The following ZBTB10 variants were observed in gnomAD, a reference collection of about 807,000 sequenced individuals.
The protein encoded by ZBTB10 is zinc finger and BTB domain containing 10.
In ZBTB10, 32 loss-of-function variants were observed where a neutral mutation model predicts 76.4. The ratio of observed to expected loss-of-function variants is 0.42; its 90% CI spans 0.32 to 0.56. ZBTB10 has a LOEUF of 0.56. ZBTB10 is among the 20% of genes least tolerant of loss of function. The probability of loss-of-function intolerance (pLI) is 0.14; values close to 1 mark genes in which losing one functional copy is unlikely to be tolerated. For missense variants in ZBTB10, 1,057 were observed against 1,098.5 expected, an observed-to-expected ratio of 0.96 and a Z score of 0.53; for synonymous variants, 523 against 432.9, an observed-to-expected ratio of 1.21 and a Z score of -2.58.
At chr8:80,514,065 T>G (rs1816266706) in intron 3 of ZBTB10, 57 bp downstream of exon 3, 1 of 1,466,480 alleles carries the variant, frequency 6.8e-7, no homozygotes, top group South Asian at 1.2e-5. Context: ...TGTTACATCT[T>G]ACCTGCAGCC....
At position 80,486,248 on chromosome 8, in the gene ZBTB10, G is replaced by C. The variant is rs1158922616; in HGVS notation, c.-563G>C. On this transcript the variant is annotated 5_prime_UTR_variant, in exon 1 of 6. Transcript: ENST00000455036. ...TTCATTTGCCATTCGACCTCCGCCA[G>C]GGCCTGGTCGGACGGAAACGCTCCG... is the stretch of plus-strand genomic sequence containing the variant. The C allele has an allele frequency of 2.9e-6, 3 of 1,028,096 alleles. No individual in the cohort carries two copies. Among genetic ancestry groups the C allele is most frequent in the East Asian group, 9.8e-5 (1 of 10,196 alleles). 63.7% of individuals were successfully genotyped at this position (1,028,096 alleles called of 1,614,324 possible).
At chr8:80,499,439 G>T in intron 1 of ZBTB10, 55 bp from the exon 2 acceptor site, 2 of 1,468,514 alleles carry the variant, frequency 1.4e-6, no homozygotes, top group Middle Eastern at 1.8e-4. Flanking sequence ...CTTGGTTTGG[G>T]AGTTTTTAAA....
At chr8:80,517,871 C>CTTTTTTTTTTTTTTTTTTTTTTT (rs773074047) in intron 3 of ZBTB10, among the ~76,000 whole-genome samples, 12 of 76,842 alleles carry the variant, frequency 1.6e-4, no homozygotes, top group Non-Finnish European at 2.3e-4. Context: ...CGCCCGCCAC[C>CTTTTTTTTTTTTTTTTTTTTTTT]TTTTTTTTTT....
Position 80,526,130 on chromosome 8 carries a change from T to C in ZBTB10, c.*6602T>C, listed in dbSNP as rs951486666. On this transcript the variant is annotated 3_prime_UTR_variant, in exon 6 of 6. Transcript: ENST00000455036. Reference sequence around the variant, plus strand: ...GCCATTTGCTGCAAAGTATTTGTTTTAAAATGTCTGGCATATACACCACTA... The same window carrying C: ...GCCATTTGCTGCAAAGTATTTGTTTCAAAATGTCTGGCATATACACCACTA... 6.6e-6 allele frequency: 1 copy of C among 152,186 alleles called. No homozygotes were observed. The highest frequency in any genetic ancestry group is 1.5e-5 in the Non-Finnish European group (1 of 68,028). 9.4% of individuals were successfully genotyped at this position (152,186 alleles called of 1,614,324 possible).
intron 1 of ZBTB10, among the ~76,000 whole-genome samples, chr8:80,490,774 C>T (rs1409531324): frequency 6.6e-6 from 1 of 152,156 alleles, no homozygotes; most frequent in Admixed American, 6.5e-5. Flanking sequence ...CCAATTATTT[C>T]TCAAAGAGTC....
In ZBTB10 at chr8:80,517,865, C is replaced by T. The variant is rs554221363; in HGVS notation, c.1961-538C>T. ...GATATTCATGTTTTTTTCTCCCGCC[C>T]GCCACCTTTTTTTTTTTTTTTTTTT... On this transcript the variant is annotated intron_variant, in intron 3 of 5. Transcript: ENST00000455036. 3.0e-3 allele frequency among the ~76,000 whole-genome samples: 421 copies of T among 141,084 alleles called. 3 individuals carry two copies. The highest frequency in any genetic ancestry group is 0.011 in the African/African-American group (396 of 36,854). The allele number at this position is 141,084 out of a possible 152,430, so 92.6% of individuals were successfully genotyped here.
chr8:80,507,288 C>G (rs1177637022), intron 2 of ZBTB10, among the ~76,000 whole-genome samples: 1 of 143,466 alleles, frequency 7.0e-6, no homozygotes, highest in Non-Finnish European at 1.5e-5. Flanking sequence ...AGCTGGGTGA[C>G]AGAGCGAGAC....
intron 2 of ZBTB10, among the ~76,000 whole-genome samples, chr8:80,505,396 T>G (rs897580015): frequency 2.6e-5 from 4 of 152,232 alleles, no homozygotes; most frequent in Non-Finnish European, 4.4e-5. Context: ...TTATTATATT[T>G]TTAATCTTTG....
In ZBTB10 at chr8:80,487,448, A is replaced by C. The variant is rs1487895796; in HGVS notation, c.638A>C (p.Asp213Ala). 6.5e-7 allele frequency: 1 copy of C among 1,546,290 alleles called. No homozygotes were observed. Among genetic ancestry groups the C allele is most frequent in the Non-Finnish European group, 8.7e-7 (1 of 1,143,004 alleles). Residue 213 changes from aspartate to alanine, a missense_variant, in exon 1 of 6, where the codon GAT becomes GCT. By Grantham distance (126) the Asp-to-Ala change is moderately radical. Coordinates refer to ENST00000455036, the MANE Select transcript of ZBTB10 (RefSeq NM_001105539.3). ...AGCAGCAGCAGGCGGTCGGGCGGCG[A>C]TGGCGGGGACGAAGTGGAGGGCAGC... Reference protein sequence around the residue: ...SCSSSRRSGGDGGDEVEGSGV... With the variant: ...SCSSSRRSGGAGGDEVEGSGV...
In ZBTB10 at chr8:80,486,755, G is replaced by A; in HGVS notation, c.-56G>A. The A allele has an allele frequency of 9.1e-7, 1 of 1,103,504 alleles. No individual in the cohort carries two copies. The highest frequency in any genetic ancestry group is 1.1e-6 in the Non-Finnish European group (1 of 905,248). The allele number at this position is 1,103,504 out of a possible 1,614,324, so 68.4% of individuals were successfully genotyped here. On this transcript the variant is annotated 5_prime_UTR_variant, in exon 1 of 6. Transcript: ENST00000455036. The stretch of plus-strand genomic sequence containing the variant: ...GAGCCGCGGGGAGCGCGCGGGACGC[G>A]GCCCGAGGCCGTGCGCGAGCCGGGG...
Position 80,487,782 on chromosome 8 carries a change from G to C in ZBTB10, c.972G>C (p.Gln324His). 1 of 1,587,248 alleles carries C rather than the reference G, an allele frequency of 6.3e-7. No homozygotes were observed. Among genetic ancestry groups the C allele is most frequent in the East Asian group, 2.2e-5 (1 of 44,698 alleles). Residue 324 changes from glutamine (Q) to histidine (H), a missense_variant and splice_region_variant, in exon 1 of 6, where the codon CAG becomes CAC. Gln to His is a conservative substitution (Grantham distance 24, BLOSUM62 0). Transcript: ENST00000455036. ...ACAAACTCCACGAAGCCAACGCCCA[G>C]GTACAGTATATCCTGCTCCTACTTT... ...TEHKLHEANA[Q>H]ESEIPSEEGY...
Position 80,500,359 on chromosome 8 carries a change from C to T in ZBTB10, c.1838C>T (p.Thr613Ile). 2 of 1,572,692 alleles carry T rather than the reference C, an allele frequency of 1.3e-6. No individual in the cohort carries two copies. Among genetic ancestry groups the T allele is most frequent in the Non-Finnish European group, 8.6e-7 (1 of 1,160,458 alleles). The change falls in exon 2 of 6, where the codon ACA (threonine) becomes ATA (isoleucine). Residue 613 changes from threonine (T) to isoleucine (I), a missense_variant. Thr to Ile is a moderately conservative substitution (Grantham distance 89). Coordinates refer to ENST00000455036, the MANE Select transcript of ZBTB10 (RefSeq NM_001105539.3). ...CCTGTTGCCTATCCAGAAGAAAATACACTACTCATCAAGGAAGAACCAGGT... is the reference window on the plus strand; with the variant it reads ...CCTGTTGCCTATCCAGAAGAAAATATACTACTCATCAAGGAAGAACCAGGT... ...QPPVAYPEENTLLIKEEPDLD... is the reference protein window; with the variant it reads ...QPPVAYPEENILLIKEEPDLD...
upstream of ZBTB10, chr8:80,485,987 C>G: frequency 8.7e-7 from 1 of 1,148,536 alleles, no homozygotes; most frequent in Non-Finnish European, 1.2e-6. Context: ...CTCCCTGAGA[C>G]CCCCAGCCCG....
Position 80,519,628 on chromosome 8 carries a change from G to A in ZBTB10, c.*100G>A. 7.7e-7 allele frequency: 1 copy of A among 1,299,374 alleles called. No homozygotes were observed. Among genetic ancestry groups the A allele is most frequent in the Non-Finnish European group, 1.0e-6 (1 of 962,866 alleles). 80.5% of individuals were successfully genotyped at this position (1,299,374 alleles called of 1,614,324 possible). On this transcript the variant is annotated 3_prime_UTR_variant, in exon 6 of 6. Transcript: ENST00000455036. ...AGGCTTGCAAAATATGGTACATGCT[G>A]GATAGTAGTTATGTTGCTGTGAAAA...
Position 80,487,129 on chromosome 8 carries a change from G to T in ZBTB10, c.319G>T (p.Gly107Cys). Residue 107 changes from glycine (G) to cysteine (C), a missense_variant, in exon 1 of 6, where the codon GGC becomes TGC. Coordinates refer to ENST00000455036, the MANE Select transcript of ZBTB10 (RefSeq NM_001105539.3). ...AGACGCGGGCGGCCCCACCTCGCTT[G>T]GCGGTGGCGCGGGGGGCCCCCTGCT... ...PQDAGGPTSL[G>C]GGAGGPLLAE... 2.0e-6 allele frequency: 3 copies of T among 1,515,656 alleles called. No homozygotes were observed. Among genetic ancestry groups the T allele is most frequent in the Non-Finnish European group, 2.6e-6 (3 of 1,135,542 alleles). The allele number at this position is 1,515,656 out of a possible 1,614,324, so 93.9% of individuals were successfully genotyped here.
intron 1 of ZBTB10, among the ~76,000 whole-genome samples, chr8:80,495,047 A>G (rs1181901799): frequency 2.0e-5 from 3 of 151,866 alleles, no homozygotes; most frequent in African/African-American, 7.2e-5. Flanking sequence ...TATTTCGATT[A>G]TATCACTGCT....
At chr8:80,510,657 T>TGG (rs1816167505) in intron 2 of ZBTB10, among the ~76,000 whole-genome samples, 1 of 151,632 alleles carries the variant, frequency 6.6e-6, no homozygotes, top group Non-Finnish European at 1.5e-5. Context: ...TGTGTGTGTG[T>TGG]GTGTGTGTGT....
At chr8:80,507,048 G>A (rs947650053) in intron 2 of ZBTB10, among the ~76,000 whole-genome samples, 2 of 152,096 alleles carry the variant, frequency 1.3e-5, no homozygotes, top group African/African-American at 2.4e-5. Context: ...AGTGGCTCGC[G>A]CCTGTAATCC....
At chr8:80,509,205 G>C (rs1415898072) in intron 2 of ZBTB10, among the ~76,000 whole-genome samples, 1 of 152,138 alleles carries the variant, frequency 6.6e-6, no homozygotes, top group African/African-American at 2.4e-5. Flanking sequence ...CCTGTTTATG[G>C]GGGGGAAAAG....
Sources: allele counts gnomAD v4.1 joint callset (sites outside exome capture counted in the v4.1 genomes callset), GRCh38; gene constraint gnomAD v4.1.1; transcripts MANE v1.5; gene names NCBI Gene and HGNC (gene_info 2026-07-23, HGNC 2026-07-21).